CNTNAP2: variants seen among roughly 807,000 people sequenced by gnomAD.
CNTNAP2 encodes the protein contactin-associated protein-like 2.
Under a neutral mutation model 155.2 loss-of-function variants are expected in CNTNAP2, and 98 were observed. The ratio of observed to expected loss-of-function variants is 0.63; its 90% CI spans 0.54 to 0.75. The LOEUF is 0.75. CNTNAP2 is among the 30% of genes least tolerant of loss of function. The pLI, the probability that CNTNAP2 is intolerant of heterozygous loss-of-function variation, is 0.00. For missense variants in CNTNAP2, 1,727 were observed against 1,688.1 expected, an observed-to-expected ratio of 1.02 and a Z score of -0.40; for synonymous variants, 651 against 631.2, an observed-to-expected ratio of 1.03 and a Z score of -0.47.
At chr7:146,878,549 A>G (rs776840278) in intron 3 of CNTNAP2, among the ~76,000 whole-genome samples, 6 of 152,086 alleles carry the variant, frequency 3.9e-5, no homozygotes, top group African/African-American at 7.2e-5. Flanking sequence ...CATAAAGCAG[A>G]CGCTGTCATT....
intron 15 of CNTNAP2, among the ~76,000 whole-genome samples, chr7:148,065,655 C>G (rs1299821326): frequency 6.6e-6 from 1 of 152,144 alleles, no homozygotes; most frequent in African/African-American, 2.4e-5. Context: ...TTTTCCACTC[C>G]TTTACCTTAC....
chr7:147,528,108 T>C (rs1232195088), intron 11 of CNTNAP2, among the ~76,000 whole-genome samples: 3 of 152,178 alleles, frequency 2.0e-5, no homozygotes, highest in Non-Finnish European at 4.4e-5. Context: ...GTTGCACCTA[T>C]ATGTGGCCAA....
chr7:146,909,397 A>G (rs1187186590), intron 3 of CNTNAP2, among the ~76,000 whole-genome samples: 2 of 114,280 alleles, frequency 1.8e-5, no homozygotes, highest in African/African-American at 7.2e-5. Context: ...TGATGCAAAA[A>G]TCCTCAATAA....
intron 2 of CNTNAP2, among the ~76,000 whole-genome samples, chr7:146,792,274 A>AAG (rs1020071471): frequency 5.9e-5 from 9 of 152,008 alleles, no homozygotes; most frequent in African/African-American, 2.2e-4. Context: ...AAGCTAAAAA[A>AAG]AAAACACTCT....
chr7:147,406,576 A>C (rs1005008477), intron 10 of CNTNAP2, among the ~76,000 whole-genome samples: 1 of 152,200 alleles, frequency 6.6e-6, no homozygotes, highest in Non-Finnish European at 1.5e-5. Context: ...GCATTGTCTA[A>C]AATTCTCATG....
intron 1 of CNTNAP2, among the ~76,000 whole-genome samples, chr7:146,213,795 C>A (rs1314206428): frequency 6.6e-6 from 1 of 152,158 alleles, no homozygotes; most frequent in African/African-American, 2.4e-5. Flanking sequence ...CACCTGTCAA[C>A]CAATGTCTGA....
intron 12 of CNTNAP2, among the ~76,000 whole-genome samples, chr7:147,584,699 A>G: frequency 6.6e-6 from 1 of 152,184 alleles, no homozygotes. Context: ...CAGCACCACT[A>G]TTACCGATGT....
chr7:147,581,370 C>A (rs541056735), intron 12 of CNTNAP2, among the ~76,000 whole-genome samples: 10 of 152,278 alleles, frequency 6.6e-5, no homozygotes, highest in African/African-American at 2.4e-4. Flanking sequence ...TGTCACAATT[C>A]AAATCTACCT....
In CNTNAP2 at chr7:146,264,310, G is replaced by A. The variant is rs376186616; in HGVS notation, c.97+147337G>A. Among the ~76,000 whole-genome samples the A allele has an allele frequency of 3.1e-3, 468 of 152,110 alleles. 4 individuals carry two copies. The highest frequency in any genetic ancestry group is 0.011 in the African/African-American group (445 of 41,492). Reference sequence around the variant, plus strand: ...AAATACAAAAACTAAAAATTAGCTGGGCGTGGTGGCGGGCGCCTGTAATCC... The same window carrying A: ...AAATACAAAAACTAAAAATTAGCTGAGCGTGGTGGCGGGCGCCTGTAATCC... On this transcript the variant is annotated intron_variant, in intron 1 of 23. Transcript: ENST00000361727.
chr7:146,512,718 C>A (rs1261510847), intron 1 of CNTNAP2, among the ~76,000 whole-genome samples: 1 of 151,800 alleles, frequency 6.6e-6, no homozygotes, highest in Non-Finnish European at 1.5e-5. Flanking sequence ...ATATTATCTA[C>A]CCTACAAAGT....
In CNTNAP2 at chr7:146,352,888, A is replaced by G. The variant is rs546142238; in HGVS notation, c.97+235915A>G. 3.4e-3 allele frequency among the ~76,000 whole-genome samples: 510 copies of G among 149,674 alleles called. 1 individual carries two copies. The highest frequency in any genetic ancestry group is 8.5e-3 in the African/African-American group (344 of 40,312). On this transcript the variant is annotated intron_variant, in intron 1 of 23. Transcript: ENST00000361727. ...TCCTGCCTCAGCCTCCCTAGTCGCT[A>G]GGACTACAGGCACCCGCCACCACGC...
intron 13 of CNTNAP2, among the ~76,000 whole-genome samples, chr7:147,868,744 G>A (rs1215585751): frequency 1.3e-5 from 2 of 152,250 alleles, no homozygotes; most frequent in Non-Finnish European, 2.9e-5. Flanking sequence ...CGCTAGCAGT[G>A]AGCAAGGCTC....
chr7:147,205,688 T>A (rs1603458), intron 8 of CNTNAP2, among the ~76,000 whole-genome samples: 78,254 of 149,112 alleles, frequency 0.52, 20,710 homozygotes, highest in Middle Eastern at 0.68. Flanking sequence ...AATAAAATTT[T>A]AAAAAAAAAA....
intron 1 of CNTNAP2, among the ~76,000 whole-genome samples, chr7:146,134,445 A>T (rs1181552061): frequency 5.3e-5 from 8 of 150,894 alleles, no homozygotes; most frequent in Admixed American, 5.3e-4. Context: ...TTCCAACACT[A>T]TGTTGAATAG....
chr7:146,333,258 G>C (rs2129094952), intron 1 of CNTNAP2, among the ~76,000 whole-genome samples: 1 of 152,142 alleles, frequency 6.6e-6, no homozygotes, highest in South Asian at 2.1e-4. Flanking sequence ...ATTTCTTCTT[G>C]TAGAAGAATA....
intron 18 of CNTNAP2, among the ~76,000 whole-genome samples, chr7:148,210,240 T>G (rs1358703219): frequency 6.6e-6 from 1 of 152,208 alleles, no homozygotes; most frequent in Non-Finnish European, 1.5e-5. Context: ...CCACGACTTT[T>G]GATTCTTGGC....
intron 1 of CNTNAP2, among the ~76,000 whole-genome samples, chr7:146,123,158 G>A (rs1797587422): frequency 6.6e-6 from 1 of 152,040 alleles, no homozygotes; most frequent in Admixed American, 6.6e-5. Context: ...CACATATTTT[G>A]GGTATACTGT....
intron 13 of CNTNAP2, among the ~76,000 whole-genome samples, chr7:147,850,304 A>G (rs200179486): frequency 6.6e-6 from 1 of 152,198 alleles, no homozygotes; most frequent in Non-Finnish European, 1.5e-5. Flanking sequence ...ATGCTCATGG[A>G]TAGGAAGAAT....
intron 1 of CNTNAP2, among the ~76,000 whole-genome samples, chr7:146,500,921 T>C (rs1797291507): frequency 6.6e-6 from 1 of 152,178 alleles, no homozygotes. Flanking sequence ...TGACTATACT[T>C]ATCATGAAAG....
Sources: allele counts gnomAD v4.1 joint callset (sites outside exome capture counted in the v4.1 genomes callset), GRCh38; gene constraint gnomAD v4.1.1; transcripts MANE v1.5; gene names NCBI Gene and HGNC (gene_info 2026-07-23, HGNC 2026-07-21).